Variants in HEATR4 observed in about 807,000 individuals in gnomAD.
HEATR4 encodes the protein HEAT repeat-containing protein 4.
A neutral mutation model predicts 108.8 loss-of-function variants in HEATR4; 95 were observed. The ratio of observed to expected loss-of-function variants is 0.87; its 90% confidence interval spans 0.74 to 1.04. HEATR4 has a LOEUF of 1.04. HEATR4 is among the 50% of genes least tolerant of loss of function. The probability of loss-of-function intolerance (pLI) is 0.00; values close to 1 mark genes in which losing one functional copy is unlikely to be tolerated. For synonymous variants in HEATR4, 443 were observed against 459.4 expected (o/e 0.96, Z 0.46); for missense variants, 1,152 against 1,253.8 (o/e 0.92, Z 1.23).
At chr14:73,526,328 G>T (rs1354574003) in intron 2 of HEATR4, among the ~76,000 whole-genome samples, 1 of 152,216 alleles carries the variant, frequency 6.6e-6, no homozygotes, top group East Asian at 1.9e-4. Context: ...GACCAAAGTG[G>T]CCTGGGGCCC....
rs1254034781 is a variant in HEATR4, at chr14:73,549,093, A to C, written c.-152+9658T>G. ...CTAGGAAATCCAAGATCAAGGCACC[A>C]GCAGATCTGGTGTCTGCTGAGGGCC... On this transcript the variant is annotated intron_variant, in intron 1 of 17. Transcript: ENST00000553558. 3.5e-5 allele frequency among the ~76,000 whole-genome samples: 4 copies of C among 114,770 alleles called. 1 individual carries two copies. The highest frequency in any genetic ancestry group is 2.0e-4 in the Admixed American group (2 of 10,208). The allele number at this position is 114,770 out of a possible 152,430, so 75.3% of individuals were successfully genotyped here.
At chr14:73,508,603 G>T (rs528689166) in intron 8 of HEATR4, among the ~76,000 whole-genome samples, 7 of 151,978 alleles carry the variant, frequency 4.6e-5, no homozygotes, top group African/African-American at 1.7e-4. Context: ...ACAAAAATCA[G>T]CCAGGCGTGG....
the HEATR4 span, among the ~76,000 whole-genome samples, chr14:73,572,814 T>C: frequency 6.7e-6 from 1 of 149,036 alleles, no homozygotes; most frequent in South Asian, 2.2e-4. Context: ...CCCAGCTAAT[T>C]TTTGTATTTT....
At chr14:73,479,355 C>T (rs149553410) in intron 17 of HEATR4, among the ~76,000 whole-genome samples, 3,702 of 151,868 alleles carry the variant, frequency 0.024, 127 homozygotes, top group Non-Finnish European at 0.027. Flanking sequence ...GACCTTGTGA[C>T]CAGCCCGCCT....
At position 73,539,099 on chromosome 14, in the gene HEATR4, C is replaced by G. The variant is rs1398650554; in HGVS notation, c.-151-8855G>C. The G allele has an allele frequency of 4.3e-5, 5 of 115,328 alleles. 2 individuals are homozygous for G. The highest frequency in any genetic ancestry group is 9.5e-5 in the Non-Finnish European group (5 of 52,812). 7.1% of individuals were successfully genotyped at this position (115,328 alleles called of 1,614,324 possible). On this transcript the variant is annotated intron_variant, in intron 1 of 17. Transcript: ENST00000553558. The stretch of plus-strand genomic sequence containing the variant: ...AAAAGAATTCCAACTGGTTTTCTCA[C>G]TGTATTTCCATGGCAGCTAGGAGGT...
At chr14:73,496,271 A>G (rs751857407) in intron 15 of HEATR4, among the ~76,000 whole-genome samples, 2 of 152,322 alleles carry the variant, frequency 1.3e-5, no homozygotes, top group Admixed American at 6.5e-5. Flanking sequence ...CTCTATGCCT[A>G]TTTGAAAAAA....
At chr14:73,561,087 T>G (rs8009604), upstream of HEATR4, among the ~76,000 whole-genome samples, 1 of 151,954 alleles carries the variant, frequency 6.6e-6, no homozygotes, top group Non-Finnish European at 1.5e-5. Flanking sequence ...TGAAATGGGC[T>G]GGGCGTGGTG....
upstream of HEATR4, among the ~76,000 whole-genome samples, chr14:73,560,110 A>T (rs1371916209): frequency 6.6e-6 from 1 of 152,154 alleles, no homozygotes; most frequent in Admixed American, 6.6e-5. Flanking sequence ...AAGTCATAGA[A>T]GTCTTACAGA....
At chr14:73,510,372 A>C (rs1325456828) in intron 7 of HEATR4, among the ~76,000 whole-genome samples, 1 of 151,972 alleles carries the variant, frequency 6.6e-6, no homozygotes, top group African/African-American at 2.4e-5. Context: ...ATGGGACAGG[A>C]GCATAGTTTG....
At chr14:73,520,352 G>A (rs1445766289) in intron 4 of HEATR4, 1 of 153,342 alleles carries the variant, frequency 6.5e-6, no homozygotes, top group Admixed American at 6.5e-5. Context: ...GTGCATTTTT[G>A]TTAACATCAC....
In HEATR4 at chr14:73,490,963, C is replaced by G. The variant is rs57869124; in HGVS notation, c.2844+2103G>C. 3.7e-3 allele frequency: 4,737 copies of G among 1,295,204 alleles called. 122 individuals carry two copies. The African/African-American group carries it at 0.056, about 15-fold the overall frequency. 80.2% of individuals were successfully genotyped at this position (1,295,204 alleles called of 1,614,324 possible). A position where few individuals can be genotyped will look rare whatever the true frequency, so the allele number is the denominator to read the frequency against. ...GCACCGCAGCCGCTGCATTCAGGAACCGCTTTAGCTTCGCCCCCGGCCGGC... is the reference window on the plus strand; with the variant it reads ...GCACCGCAGCCGCTGCATTCAGGAAGCGCTTTAGCTTCGCCCCCGGCCGGC... On this transcript the variant is annotated intron_variant, in intron 17 of 17. Coordinates refer to ENST00000553558, the MANE Select transcript of HEATR4 (RefSeq NM_001220484.1).
At chr14:73,624,577 G>C in the HEATR4 span, among the ~76,000 whole-genome samples, 4 of 152,126 alleles carry the variant, frequency 2.6e-5, no homozygotes, top group Non-Finnish European at 5.9e-5. Flanking sequence ...ACTCCATCCA[G>C]CCTGGGTGAC....
the HEATR4 span, among the ~76,000 whole-genome samples, chr14:73,605,556 C>CTTT: frequency 0.015 from 842 of 57,018 alleles, 105 homozygotes; most frequent in Non-Finnish European, 0.024. Context: ...CTGTAAGATT[C>CTTT]TTTTTTTTTT....
chr14:73,534,950 G>A (rs1395037654), intron 1 of HEATR4, among the ~76,000 whole-genome samples: 1 of 111,820 alleles, frequency 8.9e-6, no homozygotes, highest in Non-Finnish European at 1.9e-5. Flanking sequence ...TTCAGCTACT[G>A]GGGGAGTGTT....
intron 2 of HEATR4, among the ~76,000 whole-genome samples, chr14:73,528,230 A>T (rs1035094419): frequency 6.6e-6 from 1 of 151,810 alleles, no homozygotes; most frequent in Non-Finnish European, 1.5e-5. Context: ...CCCCATCTCT[A>T]CTAAAAATAC....
chr14:73,603,534 T>C, the HEATR4 span, among the ~76,000 whole-genome samples: 1 of 152,036 alleles, frequency 6.6e-6, no homozygotes, highest in Non-Finnish European at 1.5e-5. Flanking sequence ...TTTGTATTTT[T>C]AGTATAGACA....
intron 6 of HEATR4, among the ~76,000 whole-genome samples, chr14:73,513,122 TC>T (rs539880584): frequency 1.3e-5 from 2 of 152,212 alleles, no homozygotes; most frequent in African/African-American, 2.4e-5. Context: ...ATTTTGTTCT[TC>T]CCTTCATACA....
At chr14:73,523,716 C>T (rs756264427) in intron 2 of HEATR4, among the ~76,000 whole-genome samples, 3 of 152,126 alleles carry the variant, frequency 2.0e-5, no homozygotes, top group Non-Finnish European at 4.4e-5. Flanking sequence ...CATGAAATGG[C>T]CTTTCGTACT....
chr14:73,591,320 G>A, the HEATR4 span, among the ~76,000 whole-genome samples: 4 of 152,080 alleles, frequency 2.6e-5, no homozygotes, highest in East Asian at 7.7e-4. Context: ...GGCCAAGGCG[G>A]GAAGATCACT....
Sources: gnomAD v4.1 joint callset for allele counts (sites outside exome capture counted in the v4.1 genomes callset) on GRCh38, gnomAD v4.1.1 for gene constraint, MANE v1.5 for transcripts, NCBI Gene and HGNC (gene_info 2026-07-23, HGNC 2026-07-21) for gene names.